The following ADGRA3 variants were observed in gnomAD, a reference collection of about 807,000 sequenced individuals.
The protein encoded by ADGRA3 is G-protein coupled receptor 125.
In ADGRA3, 56 loss-of-function variants were observed where a neutral mutation model predicts 119.8. The observed-to-expected ratio is 0.47, with a 90% CI of 0.38 to 0.58. The LOEUF is 0.58. Ranked by LOEUF, ADGRA3 falls within the 20% of genes least tolerant of loss-of-function variation. ADGRA3 has a pLI of 0.00. For synonymous variants in ADGRA3, 607 were observed against 623.8 expected, an observed-to-expected ratio of 0.97 and a Z score of 0.40; for missense variants, 1,516 against 1,649.0, an observed-to-expected ratio of 0.92 and a Z score of 1.40.
At chr4:22,441,756 C>G (rs1038201376) in intron 7 of ADGRA3, among the ~76,000 whole-genome samples, 20 of 152,192 alleles carry the variant, frequency 1.3e-4, no homozygotes, top group African/African-American at 2.9e-4. Flanking sequence ...TTGGAATTAG[C>G]AGGAAAGGAT....
chr4:22,441,758 G>A (rs1211155861), intron 7 of ADGRA3, among the ~76,000 whole-genome samples: 4 of 152,046 alleles, frequency 2.6e-5, no homozygotes, highest in Admixed American at 2.0e-4. Flanking sequence ...GGAATTAGCA[G>A]GAAAGGATTT....
intron 1 of ADGRA3, among the ~76,000 whole-genome samples, chr4:22,512,601 G>A (rs1719485911): frequency 6.6e-6 from 1 of 152,130 alleles, no homozygotes; most frequent in South Asian, 2.1e-4. Flanking sequence ...TAAGAGAAAG[G>A]AGAGGACTTG....
intron 2 of ADGRA3, among the ~76,000 whole-genome samples, chr4:22,464,658 C>T (rs1401382897): frequency 6.6e-6 from 1 of 152,206 alleles, no homozygotes; most frequent in Non-Finnish European, 1.5e-5. Flanking sequence ...CCCCATGCAG[C>T]TTTCTCTTGG....
chr4:22,467,019 C>T (rs1717682439), intron 2 of ADGRA3, among the ~76,000 whole-genome samples: 1 of 152,168 alleles, frequency 6.6e-6, no homozygotes, highest in Non-Finnish European at 1.5e-5. Flanking sequence ...AGCCAGATAA[C>T]GTGGAGAATG....
intron 11 of ADGRA3, among the ~76,000 whole-genome samples, chr4:22,422,872 G>C (rs535135286): frequency 1.4e-4 from 22 of 152,140 alleles, no homozygotes; most frequent in African/African-American, 5.3e-4. Context: ...ATGAATCTGA[G>C]AGGGAAACTC....
intron 15 of ADGRA3, among the ~76,000 whole-genome samples, chr4:22,401,810 C>A (rs1048804128): frequency 6.6e-6 from 1 of 152,178 alleles, no homozygotes; most frequent in East Asian, 1.9e-4. Context: ...AACCACTGCA[C>A]CCACTAAATG....
chr4:22,507,898 A>G (rs1719300705), intron 1 of ADGRA3, among the ~76,000 whole-genome samples: 1 of 152,222 alleles, frequency 6.6e-6, no homozygotes, highest in African/African-American at 2.4e-5. Flanking sequence ...CCATCCTTGA[A>G]TCAGGGATCC....
intron 4 of ADGRA3, among the ~76,000 whole-genome samples, chr4:22,448,246 T>C (rs1452498365): frequency 6.6e-6 from 1 of 152,178 alleles, no homozygotes; most frequent in Non-Finnish European, 1.5e-5. Flanking sequence ...GTGTACGCAC[T>C]TCCGTGTACA....
intron 1 of ADGRA3, among the ~76,000 whole-genome samples, chr4:22,488,813 A>G (rs1718527661): frequency 6.6e-6 from 1 of 152,206 alleles, no homozygotes; most frequent in African/African-American, 2.4e-5. Flanking sequence ...CACTACTGGG[A>G]AGCAAATCAT....
At chr4:22,439,936 T>C (rs913771665) in intron 7 of ADGRA3, among the ~76,000 whole-genome samples, 3 of 152,208 alleles carry the variant, frequency 2.0e-5, no homozygotes, top group South Asian at 4.1e-4. Context: ...TCAAATACTT[T>C]AGTAGCCATT....
chr4:22,468,718 A>G (rs1717750594), intron 2 of ADGRA3, among the ~76,000 whole-genome samples: 3 of 151,648 alleles, frequency 2.0e-5, no homozygotes, highest in African/African-American at 7.3e-5. Context: ...GCAGGAAGCC[A>G]AGATCATGCC....
At chr4:22,389,886 G>A (rs1043931395) in intron 17 of ADGRA3, among the ~76,000 whole-genome samples, 3 of 152,106 alleles carry the variant, frequency 2.0e-5, no homozygotes, top group African/African-American at 2.4e-5. Flanking sequence ...TCCATTCTGG[G>A]TAAGTCAGAA....
At chr4:22,494,223 A>C (rs1047491529) in intron 1 of ADGRA3, among the ~76,000 whole-genome samples, 1 of 151,574 alleles carries the variant, frequency 6.6e-6, no homozygotes, top group South Asian at 2.1e-4. Flanking sequence ...AAAAAAAATA[A>C]GAGTAACCTT....
chr4:22,491,810 C>A (rs1718632927), intron 1 of ADGRA3, among the ~76,000 whole-genome samples: 1 of 152,170 alleles, frequency 6.6e-6, no homozygotes. Flanking sequence ...AAACCCATCA[C>A]AACAGTCTTA....
intron 3 of ADGRA3, among the ~76,000 whole-genome samples, chr4:22,460,195 T>C (rs917412532): frequency 6.6e-6 from 1 of 152,198 alleles, no homozygotes; most frequent in Non-Finnish European, 1.5e-5. Context: ...AGGTTCTGTT[T>C]ATGATCTAAC....
chr4:22,449,228 G>GCA (rs1294906779), intron 4 of ADGRA3, among the ~76,000 whole-genome samples: 1 of 151,228 alleles, frequency 6.6e-6, no homozygotes, highest in African/African-American at 2.4e-5. Flanking sequence ...CAGGACTGCA[G>GCA]CACTGCACTC....
chr4:22,426,902 A>T (rs2109046065), intron 10 of ADGRA3, among the ~76,000 whole-genome samples: 1 of 152,292 alleles, frequency 6.6e-6, no homozygotes, highest in African/African-American at 2.4e-5. Context: ...ATGGGGGTGA[A>T]TGTCATTCTA....
rs777181294 is a variant in ADGRA3, at chr4:22,401,540, C to T, written c.2372G>A (p.Ser791Asn). The T allele has an allele frequency of 6.2e-7, 1 of 1,604,370 alleles. No homozygotes were observed. Among genetic ancestry groups the T allele is most frequent in the Non-Finnish European group, 8.5e-7 (1 of 1,174,276 alleles). ...YIYHHSLIRISLKSWHMLVNL... is the reference protein window; with the variant it reads ...YIYHHSLIRINLKSWHMLVNL... ...CACAAGCATGTGCCAGCTCTTGAGG[C>T]TGATTCTAATCAAACTGTTTAAAAA... Residue 791 changes from serine (S) to asparagine (N), a missense_variant, in exon 16 of 19, where the codon AGC becomes AAC. By Grantham distance (46) the Ser-to-Asn change is conservative (BLOSUM62 1). This residue lies in a region of ADGRA3 where 1,088 missense variants were observed against 1,107.1 expected (regional missense o/e 0.98). Coordinates refer to ENST00000334304, the MANE Select transcript of ADGRA3 (RefSeq NM_145290.4).
intron 1 of ADGRA3, among the ~76,000 whole-genome samples, chr4:22,494,142 T>A (rs1718727717): frequency 6.6e-6 from 1 of 150,462 alleles, no homozygotes; most frequent in Non-Finnish European, 1.5e-5. Flanking sequence ...GAGGCGGAGG[T>A]TGCAGTGAGC....
Sources: allele counts gnomAD v4.1 joint callset (sites outside exome capture counted in the v4.1 genomes callset), GRCh38; gene constraint gnomAD v4.1.1; regional missense constraint gnomAD v4.1.1; transcripts MANE v1.5; gene names NCBI Gene and HGNC (gene_info 2026-07-23, HGNC 2026-07-21).